Variants in SYT9 observed in about 807,000 individuals in gnomAD.
SYT9 encodes synaptotagmin 9, also known as synaptotagmin-9.
Under a neutral mutation model 48.4 loss-of-function variants are expected in SYT9, and 22 were observed. The observed-to-expected ratio is 0.45, with a 90% CI of 0.32 to 0.65. The LOEUF (loss-of-function observed/expected upper bound fraction) is 0.65, where lower values mean the gene tolerates loss of function less well. SYT9 is among the 30% of genes least tolerant of loss of function. SYT9 has a pLI of 0.03. For missense variants in SYT9, 577 were observed against 622.0 expected, an observed-to-expected ratio of 0.93 and a Z score of 0.77; for synonymous variants, 265 against 245.0, an observed-to-expected ratio of 1.08 and a Z score of -0.76.
At chr11:7,264,466 A>G (rs907976413) in intron 1 of SYT9, among the ~76,000 whole-genome samples, 2 of 152,176 alleles carry the variant, frequency 1.3e-5, no homozygotes, top group South Asian at 4.2e-4. Context: ...AGTTGAGGGT[A>G]TGTAGAATAG....
At chr11:7,352,465 A>G (rs1849935985) in intron 3 of SYT9, among the ~76,000 whole-genome samples, 2 of 152,202 alleles carry the variant, frequency 1.3e-5, no homozygotes, top group African/African-American at 4.8e-5. Context: ...TCACTTGCCT[A>G]CTATCCCTGG....
chr11:7,359,968 G>A (rs963098694), intron 3 of SYT9, among the ~76,000 whole-genome samples: 14 of 151,436 alleles, frequency 9.2e-5, no homozygotes, highest in African/African-American at 1.5e-4. Flanking sequence ...TTTCTTCTAG[G>A]GTTTTTATGG....
chr11:7,268,627 T>TTA (rs1487447452), intron 1 of SYT9, among the ~76,000 whole-genome samples: 2 of 151,952 alleles, frequency 1.3e-5, no homozygotes, highest in African/African-American at 4.8e-5. Flanking sequence ...GGTTGTTGTT[T>TTA]TATATATATA....
At chr11:7,306,383 C>G (rs1383911903) in intron 2 of SYT9, among the ~76,000 whole-genome samples, 1 of 152,196 alleles carries the variant, frequency 6.6e-6, no homozygotes, top group Non-Finnish European at 1.5e-5. Context: ...ACACCACAAA[C>G]CCCTTATCAG....
At chr11:7,403,633 CA>C (rs1373142233) in intron 3 of SYT9, among the ~76,000 whole-genome samples, 1 of 151,964 alleles carries the variant, frequency 6.6e-6, no homozygotes, top group Non-Finnish European at 1.5e-5. Flanking sequence ...GATTCCTTTT[CA>C]TTATTTATTT....
chr11:7,373,066 C>T (rs1373140821), intron 3 of SYT9, among the ~76,000 whole-genome samples: 2 of 152,018 alleles, frequency 1.3e-5, no homozygotes, highest in Non-Finnish European at 2.9e-5. Flanking sequence ...TTTGAAATAT[C>T]CATGCCTCTG....
At chr11:7,272,592 G>T (rs68104759) in intron 1 of SYT9, among the ~76,000 whole-genome samples, 12,323 of 152,080 alleles carry the variant, frequency 0.081, 681 homozygotes, top group East Asian at 0.23. Flanking sequence ...TTGGTGCTGG[G>T]GTTGTGAAAA....
At chr11:7,428,397 G>C (rs777103100) in intron 6 of SYT9, among the ~76,000 whole-genome samples, 17 of 152,180 alleles carry the variant, frequency 1.1e-4, no homozygotes, top group African/African-American at 4.1e-4. Flanking sequence ...GGCATTCAGA[G>C]GTGATTGCTA....
At chr11:7,336,698 A>T (rs950410347) in intron 3 of SYT9, among the ~76,000 whole-genome samples, 1 of 152,096 alleles carries the variant, frequency 6.6e-6, no homozygotes, top group Non-Finnish European at 1.5e-5. Context: ...CCACAGGTCT[A>T]TGCATCTGTT....
intron 3 of SYT9, among the ~76,000 whole-genome samples, chr11:7,355,103 T>A (rs1341614869): frequency 6.6e-6 from 1 of 152,204 alleles, no homozygotes; most frequent in Non-Finnish European, 1.5e-5. Context: ...TCCATAGGTT[T>A]TCTCCCTGCA....
At chr11:7,372,594 C>T (rs1485248585) in intron 3 of SYT9, among the ~76,000 whole-genome samples, 1 of 152,102 alleles carries the variant, frequency 6.6e-6, no homozygotes, top group African/African-American at 2.4e-5. Flanking sequence ...GTCTTGAATT[C>T]TTGGCTTCAA....
At chr11:7,392,843 T>A (rs1222230124) in intron 3 of SYT9, among the ~76,000 whole-genome samples, 1 of 152,104 alleles carries the variant, frequency 6.6e-6, no homozygotes, top group Non-Finnish European at 1.5e-5. Flanking sequence ...TCCCTAGGTA[T>A]TTTTTGTGTG....
At position 7,468,284 on chromosome 11, in the gene SYT9, T is replaced by C. The variant is rs1343315417; in HGVS notation, c.*1484T>C. ...GTTATACGTCTTCAGAAAGTTCTCA[T>C]TGCCCCAGCTGCCTAGTACTATACA... On this transcript the variant is annotated 3_prime_UTR_variant, in exon 7 of 7. Transcript: ENST00000318881. 2.5e-6 allele frequency: 1 copy of C among 398,538 alleles called. No individual in the cohort carries two copies. Among genetic ancestry groups the C allele is most frequent in the African/African-American group, 2.1e-5 (1 of 48,644 alleles). The allele number at this position is 398,538 out of a possible 1,614,324, so 24.7% of individuals were successfully genotyped here.
intron 1 of SYT9, among the ~76,000 whole-genome samples, chr11:7,241,873 T>G (rs532799493): frequency 1.3e-5 from 2 of 152,334 alleles, no homozygotes; most frequent in East Asian, 1.9e-4. Flanking sequence ...GGAGACATAT[T>G]GTATGGTGGT....
At chr11:7,417,031 T>G (rs946236150) in intron 4 of SYT9, among the ~76,000 whole-genome samples, 2 of 152,200 alleles carry the variant, frequency 1.3e-5, no homozygotes. Flanking sequence ...CATTGCTAAC[T>G]GTGCAAATTC....
chr11:7,341,490 C>A (rs892610326), intron 3 of SYT9, among the ~76,000 whole-genome samples: 1 of 152,180 alleles, frequency 6.6e-6, no homozygotes, highest in Non-Finnish European at 1.5e-5. Context: ...CCCCTGCACA[C>A]GTTCTCTTAC....
chr11:7,252,449 C>G lies in SYT9; in HGVS notation c.145+118C>G, dbSNP rs1847890604. 1 of 1,153,324 alleles carries G rather than the reference C, an allele frequency of 8.7e-7. No individual in the cohort carries two copies. The highest frequency in any genetic ancestry group is 4.2e-5 in the Admixed American group (1 of 23,866). The allele number at this position is 1,153,324 out of a possible 1,614,324, so 71.4% of individuals were successfully genotyped here. A position where few individuals can be genotyped will look rare whatever the true frequency, so the allele number is the denominator to read the frequency against. ...CTGGGAGAGGGCGGGGGGCGGCCAC[C>G]GAGCCAGGAGAGTGATCAAGAACCA... On this transcript the variant is annotated intron_variant, in intron 1 of 6. Transcript: ENST00000318881. This position sits in a 1 kb window ranked among gnomAD's most constrained non-coding sequence, Gnocchi z 6.3.
chr11:7,403,532 A>G (rs1846939230), intron 3 of SYT9, among the ~76,000 whole-genome samples: 1 of 151,770 alleles, frequency 6.6e-6, no homozygotes, highest in African/African-American at 2.4e-5. Context: ...AGTCTGGGCA[A>G]CAAAGCAAGA....
At chr11:7,430,227 C>A (rs979137587) in intron 6 of SYT9, among the ~76,000 whole-genome samples, 1 of 151,980 alleles carries the variant, frequency 6.6e-6, no homozygotes, top group African/African-American at 2.4e-5. Context: ...ATTTTTTTCG[C>A]ACCTTAGATA....
Sources: gnomAD v4.1 joint callset for allele counts (sites outside exome capture counted in the v4.1 genomes callset) on GRCh38, gnomAD v4.1.1 for gene constraint, Gnocchi (gnomAD v3.1) non-coding constraint, MANE v1.5 for transcripts, NCBI Gene and HGNC (gene_info 2026-07-23, HGNC 2026-07-21) for gene names.